STK3: variants seen among roughly 807,000 people sequenced by gnomAD.
STK3 encodes serine/threonine-protein kinase 3.
A neutral mutation model predicts 58.0 loss-of-function variants in STK3; 41 were observed. That is an observed-to-expected ratio of 0.71 (90% confidence interval 0.55 to 0.92). The LOEUF is 0.92. Ranked by LOEUF, STK3 falls within the 40% of genes least tolerant of loss-of-function variation. STK3 has a pLI of 0.00. For synonymous variants in STK3, 170 were observed against 191.0 expected (o/e 0.89, Z 0.91); for missense variants, 479 against 602.7 (o/e 0.79, Z 2.15).
At chr8:98,711,204 T>C (rs1042119556) in intron 4 of STK3, among the ~76,000 whole-genome samples, 1 of 151,960 alleles carries the variant, frequency 6.6e-6, no homozygotes, top group Non-Finnish European at 1.5e-5. Flanking sequence ...GCAGAAAAAC[T>C]GGAAACTCTA....
chr8:98,698,457 C>A (rs1825199881), intron 6 of STK3, among the ~76,000 whole-genome samples: 1 of 152,056 alleles, frequency 6.6e-6, no homozygotes, highest in South Asian at 2.1e-4. Context: ...TCTTCCTAGC[C>A]TCGATGGTCT....
intron 1 of STK3, among the ~76,000 whole-genome samples, chr8:98,810,828 G>T (rs1834174114): frequency 1.3e-5 from 2 of 152,140 alleles, no homozygotes; most frequent in Admixed American, 1.3e-4. Flanking sequence ...ATGGCTTGGT[G>T]TTGTCCCTGG....
At chr8:98,738,740 A>G (rs1828865029) in intron 4 of STK3, among the ~76,000 whole-genome samples, 1 of 152,222 alleles carries the variant, frequency 6.6e-6, no homozygotes, top group South Asian at 2.1e-4. Flanking sequence ...CAGTGGGCGC[A>G]GGACAGTGGG....
intron 9 of STK3, among the ~76,000 whole-genome samples, chr8:98,541,289 T>C (rs1810248699): frequency 6.6e-6 from 1 of 152,064 alleles, no homozygotes; most frequent in African/African-American, 2.4e-5. Flanking sequence ...TTTCTAACGG[T>C]TTAGCACCAT....
intron 1 of STK3, among the ~76,000 whole-genome samples, chr8:98,896,814 A>G (rs1011538031): frequency 6.6e-6 from 1 of 152,008 alleles, no homozygotes; most frequent in Admixed American, 6.6e-5. Flanking sequence ...CCCCATCTCT[A>G]CAAAAAATAC....
intron 6 of STK3, among the ~76,000 whole-genome samples, chr8:98,665,303 T>C (rs1476678814): frequency 6.6e-6 from 1 of 152,196 alleles, no homozygotes; most frequent in Non-Finnish European, 1.5e-5. Context: ...ACCACACTAT[T>C]GATCCTATGA....
chr8:98,502,724 TGAACCAGCCTTG>T (rs1197708495), intron 10 of STK3, among the ~76,000 whole-genome samples: 1 of 152,202 alleles, frequency 6.6e-6, no homozygotes, highest in East Asian at 1.9e-4. Flanking sequence ...TTGCATATGT[TGAACCAGCCTTG>T]CATCCCAGGG....
chr8:98,430,544 A>T (rs771296234), intron 3 of STK3: 3 of 167,050 alleles, frequency 1.8e-5, no homozygotes, highest in Non-Finnish European at 4.4e-5. Flanking sequence ...ATTTAGTCAG[A>T]TAATTTTGCT....
chr8:98,816,827 T>C (rs1262738138), intron 1 of STK3, among the ~76,000 whole-genome samples: 5 of 152,138 alleles, frequency 3.3e-5, no homozygotes, highest in African/African-American at 4.8e-5. Context: ...AGCCACCGTG[T>C]CTGGCCAAAA....
At chr8:98,566,653 T>C (rs1293341084) in intron 8 of STK3, among the ~76,000 whole-genome samples, 1 of 152,146 alleles carries the variant, frequency 6.6e-6, no homozygotes, top group Non-Finnish European at 1.5e-5. Flanking sequence ...TGTGTCATTA[T>C]TTGCTCCACC....
chr8:98,565,112 T>A (rs1314557319), intron 8 of STK3, among the ~76,000 whole-genome samples: 4 of 152,172 alleles, frequency 2.6e-5, no homozygotes, highest in Non-Finnish European at 5.9e-5. Context: ...TTATCTGTTT[T>A]ATCACAAGGC....
intron 6 of STK3, among the ~76,000 whole-genome samples, chr8:98,670,511 C>T (rs541873942): frequency 1.3e-5 from 2 of 152,218 alleles, no homozygotes; most frequent in East Asian, 3.9e-4. Flanking sequence ...AGTCAATCAA[C>T]ACTGATAGAG....
At chr8:98,768,546 G>A (rs1052126235) in intron 2 of STK3, among the ~76,000 whole-genome samples, 3 of 152,142 alleles carry the variant, frequency 2.0e-5, no homozygotes, top group African/African-American at 7.2e-5. Context: ...GGCTGGGTGT[G>A]GGGGAATGTA....
In STK3 at chr8:98,529,288, G is replaced by C. The variant is rs371052120; in HGVS notation, c.1142-2371C>G. 1.2e-4 allele frequency among the ~76,000 whole-genome samples: 19 copies of C among 152,230 alleles called. No individual in the cohort carries two copies. The East Asian group carries it at 1.4e-3, about 11-fold the overall frequency. On this transcript the variant is annotated intron_variant, in intron 9 of 10. Transcript: ENST00000419617. ...TAATCAAACTTCAAAAAACAAAAGG[G>C]GGGGGGACGGAGATTGAACTGACAG...
intron 2 of STK3, among the ~76,000 whole-genome samples, chr8:98,376,083 G>A (rs1023114608): frequency 6.6e-6 from 1 of 152,130 alleles, no homozygotes; most frequent in Non-Finnish European, 1.5e-5. Context: ...TCAGCACTTG[G>A]TGCTATCAGT....
At chr8:98,871,737 T>C (rs1485063345) in intron 3 of STK3, among the ~76,000 whole-genome samples, 1 of 152,208 alleles carries the variant, frequency 6.6e-6, no homozygotes, top group Non-Finnish European at 1.5e-5. Flanking sequence ...TTAAGGAGAT[T>C]TTGGGCTGAG....
chr8:98,654,191 A>G (rs896884777), intron 6 of STK3, among the ~76,000 whole-genome samples: 78 of 152,242 alleles, frequency 5.1e-4, no homozygotes, highest in Admixed American at 3.1e-3. Flanking sequence ...ACAGAAATCA[A>G]TAAATGTAAT....
chr8:98,918,775 A>T (rs1166385974), intron 1 of STK3, among the ~76,000 whole-genome samples: 1 of 152,022 alleles, frequency 6.6e-6, no homozygotes, highest in Non-Finnish European at 1.5e-5. Context: ...TCTCAAAAAG[A>T]CAAAAACAAA....
chr8:98,607,439 A>G (rs919717249), intron 6 of STK3, among the ~76,000 whole-genome samples: 1 of 152,258 alleles, frequency 6.6e-6, no homozygotes, highest in African/African-American at 2.4e-5. Flanking sequence ...TAATCATTGT[A>G]TTCTTCATTG....
Sources: allele counts gnomAD v4.1 joint callset (sites outside exome capture counted in the v4.1 genomes callset), GRCh38; gene constraint gnomAD v4.1.1; transcripts MANE v1.5; gene names NCBI Gene and HGNC (gene_info 2026-07-23, HGNC 2026-07-21).